Variants in PCDHA9 observed in about 807,000 individuals in gnomAD.
The protein encoded by PCDHA9 is protocadherin alpha 9, also known as protocadherin alpha-9.
In PCDHA9, 62 loss-of-function variants were observed where a neutral mutation model predicts 62.0. The ratio of observed to expected loss-of-function variants is 1.00; its 90% confidence interval spans 0.81 to 1.23. PCDHA9 has a LOEUF of 1.23. PCDHA9 is among the 50% of genes most tolerant of loss of function. The probability of loss-of-function intolerance (pLI) is 0.00; values close to 1 mark genes in which losing one functional copy is unlikely to be tolerated. For missense variants in PCDHA9, 1,205 were observed against 1,249.8 expected, an observed-to-expected ratio of 0.96 and a Z score of 0.54; for synonymous variants, 557 against 567.6, an observed-to-expected ratio of 0.98 and a Z score of 0.27.
intron 1 of PCDHA9, chr5:140,967,133 G>C: frequency 6.2e-7 from 1 of 1,611,928 alleles, no homozygotes; most frequent in East Asian, 2.2e-5. Flanking sequence ...CAGCTTGGAA[G>C]TGCTGGCGCA....
chr5:140,863,354 T>C, intron 1 of PCDHA9: 1 of 1,283,244 alleles, frequency 7.8e-7, no homozygotes, highest in Non-Finnish European at 1.1e-6. Flanking sequence ...TACACGACGC[T>C]GCGGTGCTTG....
At chr5:140,856,015 G>T (rs781811609) in intron 1 of PCDHA9, 3 of 1,550,260 alleles carry the variant, frequency 1.9e-6, no homozygotes, top group Non-Finnish European at 2.6e-6. Flanking sequence ...CTAGACCGCT[G>T]ATTCGTCGAT....
intron 3 of PCDHA9, among the ~76,000 whole-genome samples, chr5:140,998,721 C>A (rs987484967): frequency 4.6e-5 from 7 of 152,084 alleles, no homozygotes; most frequent in Admixed American, 4.6e-4. Flanking sequence ...TGCACCACCA[C>A]GCTAGGCTAA....
chr5:140,915,918 T>A (rs1295505621), intron 1 of PCDHA9, among the ~76,000 whole-genome samples: 1 of 152,188 alleles, frequency 6.6e-6, no homozygotes, highest in Admixed American at 6.5e-5. Flanking sequence ...CCAGAGATGC[T>A]ACTTGGGAGT....
chr5:140,968,401 C>A, intron 1 of PCDHA9: 4 of 1,613,984 alleles, frequency 2.5e-6, no homozygotes, highest in Non-Finnish European at 2.5e-6. Context: ...TTCGGGAGTT[C>A]TTTGTGACTG....
Position 141,009,910 on chromosome 5 carries a change from C to G in PCDHA9, c.2826C>G (p.Asn942Lys), listed in dbSNP as rs1554262551. ...CCCAGGAGAAAAAAGAGAAAGGGAA[C>G]AGCACGACTGACAACAGTGACCAGT... The part of the protein sequence containing the change: ...NKTQEKKEKG[N>K]STTDNSDQ Residue 942 changes from asparagine to lysine, a missense_variant, in exon 4 of 4, where the codon AAC (asparagine) becomes AAG (lysine). Physicochemically the swap from Asn to Lys is moderately conservative, Grantham distance 94 (BLOSUM62 0). This residue lies in a region of PCDHA9 where 887 missense variants were observed against 809.5 expected (regional missense o/e 1.10). Transcript: ENST00000532602. 28 of 1,612,616 alleles carry G rather than the reference C, an allele frequency of 1.7e-5. No homozygotes were observed. Among genetic ancestry groups the G allele is most frequent in the African/African-American group, 5.4e-5 (4 of 74,736 alleles).
intron 1 of PCDHA9, among the ~76,000 whole-genome samples, chr5:140,964,532 G>A (rs995586958): frequency 2.0e-5 from 3 of 152,156 alleles, no homozygotes; most frequent in Non-Finnish European, 4.4e-5. Context: ...TCTGAGCTGC[G>A]TGCAGAGATG....
In PCDHA9 at chr5:141,010,671, A is replaced by T. The variant is rs375520397; in HGVS notation, c.*734A>T. The T allele has an allele frequency of 5.7e-4, 94 of 164,082 alleles. 1 individual carries two copies. Among genetic ancestry groups the T allele is most frequent in the Non-Finnish European group, 1.2e-3 (86 of 74,622 alleles). The allele number at this position is 164,082 out of a possible 1,614,324, so 10.2% of individuals were successfully genotyped here. A position where few individuals can be genotyped will look rare whatever the true frequency, so the allele number is the denominator to read the frequency against. On this transcript the variant is annotated 3_prime_UTR_variant, in exon 4 of 4. Transcript: ENST00000532602. Reference sequence around the variant, plus strand: ...TGTTTTAACAGAGAACCACCCTGGGAAACAGAAGCAGATCTGATGTGTTTC... The same window carrying T: ...TGTTTTAACAGAGAACCACCCTGGGTAACAGAAGCAGATCTGATGTGTTTC...
intron 1 of PCDHA9, among the ~76,000 whole-genome samples, chr5:140,915,719 T>C (rs545655335): frequency 6.6e-6 from 1 of 152,074 alleles, no homozygotes; most frequent in African/African-American, 2.4e-5. Context: ...GCCCCCACTT[T>C]GGATTGTGCT....
At chr5:140,852,945 C>G in intron 1 of PCDHA9, 1 of 522,890 alleles carries the variant, frequency 1.9e-6, no homozygotes, top group Non-Finnish European at 2.5e-6. Context: ...GTGGTGCCAT[C>G]TTGGCTCACT....
chr5:140,967,217 C>T, intron 1 of PCDHA9: 1 of 1,613,682 alleles, frequency 6.2e-7, no homozygotes, highest in Non-Finnish European at 8.5e-7. Flanking sequence ...TTTCCCGCGG[C>T]CCAACTACCA....
intron 1 of PCDHA9, chr5:140,870,486 G>C (rs1318169830): frequency 5.0e-6 from 8 of 1,614,136 alleles, no homozygotes; most frequent in South Asian, 1.1e-5. Context: ...AGTACACCGT[G>C]TTCGTGAAGG....
intron 1 of PCDHA9, 146 bp from the exon 2 acceptor site, chr5:140,978,803 C>A: frequency 2.0e-6 from 3 of 1,485,240 alleles, no homozygotes; most frequent in Middle Eastern, 1.8e-4. Context: ...ATGTAGATAT[C>A]ATCATAGAGT....
Position 140,848,422 on chromosome 5 carries a change from G to C in PCDHA9, c.-74G>C. On this transcript the variant is annotated 5_prime_UTR_variant, in exon 1 of 4. Transcript: ENST00000532602. ...AACGATGGCGAACACAGCAGAATGG[G>C]ACTGACGAAATCAGATGATTTCTTC... 1 of 1,425,074 alleles carries C rather than the reference G, an allele frequency of 7.0e-7. No homozygotes were observed. The highest frequency in any genetic ancestry group is 1.8e-4 in the Middle Eastern group (1 of 5,434). The allele number at this position is 1,425,074 out of a possible 1,614,324, so 88.3% of individuals were successfully genotyped here. A position where few individuals can be genotyped will look rare whatever the true frequency, so the allele number is the denominator to read the frequency against.
intron 1 of PCDHA9, among the ~76,000 whole-genome samples, chr5:140,886,663 T>G (rs1164928390): frequency 6.6e-6 from 1 of 151,786 alleles, no homozygotes; most frequent in Non-Finnish European, 1.5e-5. Flanking sequence ...CTGTCTCTAC[T>G]AAAAATACAA....
rs2150474720 is a variant in PCDHA9 at position 140,850,230 on chromosome 5, G to T, written c.1735G>T (p.Glu579Ter). 1 of 1,594,052 alleles carries T rather than the reference G, an allele frequency of 6.3e-7. No homozygotes were observed. The highest frequency in any genetic ancestry group is 1.1e-5 in the South Asian group (1 of 90,442). Residue 579 changes from glutamate to a stop codon, truncating the protein, a stop_gained, in exon 1 of 4, where the codon GAG becomes TAG. Transcript: ENST00000532602. LOFTEE classifies it high-confidence loss of function. ...RMRGTDGAVS[E>*]MVLRSVGAGV... Reference sequence around the variant, plus strand: ...GAGGGGCACTGACGGCGCAGTGAGCGAGATGGTGCTGCGGTCGGTGGGCGC... The same window carrying T: ...GAGGGGCACTGACGGCGCAGTGAGCTAGATGGTGCTGCGGTCGGTGGGCGC...
rs782568001 is a variant in PCDHA9, at chr5:140,876,674, A to G, written c.2394+25785A>G. The G allele has an allele frequency of 5.0e-6, 8 of 1,614,142 alleles. No homozygotes were observed. The South Asian group carries it at 7.7e-5, about 16-fold the overall frequency. On this transcript the variant is annotated intron_variant, in intron 1 of 3. Transcript: ENST00000532602. ...GTTCCCTTCAAGCTGGTGTCCACCTACAAGAATTACTACTCGTTGGTGCTG... is the reference window on the plus strand; with the variant it reads ...GTTCCCTTCAAGCTGGTGTCCACCTGCAAGAATTACTACTCGTTGGTGCTG...
rs2150499672 is a variant in PCDHA9 at position 140,850,819 on chromosome 5, G to A, written c.2324G>A (p.Gly775Asp). 1.0e-5 allele frequency: 16 copies of A among 1,598,272 alleles called. No individual in the cohort carries two copies. In the African/African-American group the frequency reaches 1.7e-4, roughly 17 times the overall value. The change falls in exon 1 of 4, where the codon GGC becomes GAC. Residue 775 changes from glycine (G) to aspartate (D), a missense_variant. Gly to Asp is a moderately conservative substitution (Grantham distance 94, BLOSUM62 -1). This residue lies in a region of PCDHA9 where 887 missense variants were observed against 809.5 expected (regional missense o/e 1.10). Transcript: ENST00000532602. ...ACCGACCTCATGGCCTTCAGCCCGGGCCTTTCTCCTTGTGCTGGATCTACA... is the reference window on the plus strand; with the variant it reads ...ACCGACCTCATGGCCTTCAGCCCGGACCTTTCTCCTTGTGCTGGATCTACA... ...QKTDLMAFSP[G>D]LSPCAGSTER...
intron 1 of PCDHA9, chr5:140,869,246 T>C (rs782232383): frequency 1.2e-6 from 2 of 1,613,640 alleles, no homozygotes. Flanking sequence ...GTGGGCCGCA[T>C]CGCGCAGGAC....
Sources: gnomAD v4.1 joint callset for allele counts (sites outside exome capture counted in the v4.1 genomes callset) on GRCh38, gnomAD v4.1.1 for gene constraint, gnomAD v4.1.1 regional missense constraint, MANE v1.5 for transcripts, NCBI Gene and HGNC (gene_info 2026-07-23, HGNC 2026-07-21) for gene names.